Variants in MECOM observed in about 807,000 individuals in gnomAD.
MECOM encodes the protein MDS1 and EVI1 complex locus.
A neutral mutation model predicts 116.3 loss-of-function variants in MECOM; 13 were observed. That is an observed-to-expected ratio of 0.11 (90% CI 0.07 to 0.18). MECOM has a LOEUF of 0.18. Among genes scored for constraint, MECOM ranks in the 10% least tolerant of loss-of-function variants. The pLI is 1.00. For missense variants in MECOM, 1,299 were observed against 1,509.0 expected (o/e 0.86, Z 2.31); for synonymous variants, 528 against 535.2 (o/e 0.99, Z 0.19).
intron 1 of MECOM, among the ~76,000 whole-genome samples, chr3:169,562,123 G>T (rs1470964757): frequency 9.0e-6 from 1 of 110,648 alleles, no homozygotes; most frequent in Non-Finnish European, 1.8e-5. Flanking sequence ...TCCAGCCTGG[G>T]TGACAGAGCA....
At chr3:169,318,586 T>G (rs1232432888) in intron 2 of MECOM, among the ~76,000 whole-genome samples, 1 of 152,136 alleles carries the variant, frequency 6.6e-6, no homozygotes, top group East Asian at 1.9e-4. Context: ...TCATGCCAGT[T>G]AGAATGGCGA....
rs188427559 is a variant in MECOM at position 169,385,926 on chromosome 3, G to A, written c.38-4402C>T. ...TAAATAACACTTGTAACTTCTTGGAGCTGAGCTGTCTGCTACTGTAATTTG... is the reference window on the plus strand; with the variant it reads ...TAAATAACACTTGTAACTTCTTGGAACTGAGCTGTCTGCTACTGTAATTTG... On this transcript the variant is annotated intron_variant, in intron 1 of 16. Coordinates refer to ENST00000651503, the MANE Select transcript of MECOM (RefSeq NM_004991.4). Among the ~76,000 whole-genome samples, 54 of 152,294 alleles carry A rather than the reference G, an allele frequency of 3.5e-4. 1 individual carries two copies. The highest frequency in any genetic ancestry group is 1.2e-3 in the African/African-American group (50 of 41,570).
intron 2 of MECOM, among the ~76,000 whole-genome samples, chr3:169,174,730 A>G (rs190888290): frequency 2.1e-4 from 32 of 152,202 alleles, no homozygotes; most frequent in African/African-American, 7.2e-4. Context: ...ACTTGTTAGC[A>G]TAAGACGAGG....
At chr3:169,522,450 C>T (rs1340485123) in intron 1 of MECOM, among the ~76,000 whole-genome samples, 4 of 152,088 alleles carry the variant, frequency 2.6e-5, no homozygotes. Flanking sequence ...TAATAACAGA[C>T]TTAGCATCCT....
intron 1 of MECOM, among the ~76,000 whole-genome samples, chr3:169,642,372 T>C (rs1773598068): frequency 6.9e-6 from 1 of 145,064 alleles, no homozygotes; most frequent in African/African-American, 2.6e-5. Context: ...GATAAAACAT[T>C]AAGAAAACTA....
At chr3:169,659,485 C>G (rs1775990731) in intron 1 of MECOM, among the ~76,000 whole-genome samples, 1 of 90,606 alleles carries the variant, frequency 1.1e-5, no homozygotes. Context: ...CAAAACACAT[C>G]AAAATACTGC....
intron 1 of MECOM, among the ~76,000 whole-genome samples, chr3:169,411,865 C>G (rs1737609148): frequency 6.6e-6 from 1 of 152,074 alleles, no homozygotes; most frequent in South Asian, 2.1e-4. Context: ...GTAGTGCATG[C>G]CTGTGATCCC....
intron 2 of MECOM, among the ~76,000 whole-genome samples, chr3:169,330,663 G>GT (rs768941480): frequency 6.6e-6 from 1 of 151,726 alleles, no homozygotes; most frequent in African/African-American, 2.4e-5. Context: ...GTTTTCTTGT[G>GT]TTTTTTTATA....
At chr3:169,584,431 G>A (rs921720029) in intron 1 of MECOM, among the ~76,000 whole-genome samples, 13 of 151,688 alleles carry the variant, frequency 8.6e-5, no homozygotes, top group South Asian at 2.1e-4. Context: ...CGGGCGTGGT[G>A]GCGAGCGCCT....
intron 1 of MECOM, among the ~76,000 whole-genome samples, chr3:169,534,653 A>G (rs1354162169): frequency 6.6e-6 from 1 of 151,598 alleles, no homozygotes; most frequent in Non-Finnish European, 1.5e-5. Context: ...TTATTTACAT[A>G]ATGAGCAAAC....
At chr3:169,270,351 G>C (rs1436642359) in intron 2 of MECOM, among the ~76,000 whole-genome samples, 1 of 151,852 alleles carries the variant, frequency 6.6e-6, no homozygotes, top group East Asian at 1.9e-4. Flanking sequence ...TATTGAAGTA[G>C]GAATTTAAGG....
chr3:169,463,489 A>T (rs1329497107), intron 1 of MECOM, among the ~76,000 whole-genome samples: 1 of 152,186 alleles, frequency 6.6e-6, no homozygotes, highest in African/African-American at 2.4e-5. Context: ...CTCTACTTAA[A>T]GGATAAAATG....
intron 1 of MECOM, among the ~76,000 whole-genome samples, chr3:169,474,323 T>C (rs1473908395): frequency 2.6e-5 from 4 of 152,192 alleles, no homozygotes; most frequent in African/African-American, 9.6e-5. Context: ...TGCTCCATAC[T>C]AGAAAAAGCC....
At chr3:169,483,920 C>G in intron 1 of MECOM, 2 of 1,608,780 alleles carry the variant, frequency 1.2e-6, no homozygotes, top group Non-Finnish European at 1.7e-6. Context: ...TCACTTTGAT[C>G]CTTTCTTGCA....
chr3:169,538,183 G>T (rs1576774618), intron 1 of MECOM, among the ~76,000 whole-genome samples: 1 of 152,286 alleles, frequency 6.6e-6, no homozygotes, highest in East Asian at 1.9e-4. Context: ...CCATCACATA[G>T]CTGTAACTTG....
chr3:169,350,665 G>A (rs1393471655), intron 2 of MECOM, among the ~76,000 whole-genome samples: 3 of 151,864 alleles, frequency 2.0e-5, no homozygotes, highest in Admixed American at 2.0e-4. Context: ...CCTCTGGTTA[G>A]ATATATTATT....
intron 2 of MECOM, among the ~76,000 whole-genome samples, chr3:169,270,398 T>C (rs531723598): frequency 6.6e-6 from 1 of 152,180 alleles, no homozygotes; most frequent in South Asian, 2.1e-4. Flanking sequence ...TATCTATCTA[T>C]CTATATATAC....
intron 2 of MECOM, among the ~76,000 whole-genome samples, chr3:169,278,307 T>C (rs370802286): frequency 2.6e-5 from 4 of 152,330 alleles, no homozygotes; most frequent in Admixed American, 6.5e-5. Flanking sequence ...GCCAAAAATC[T>C]CTGGTGATTT....
At chr3:169,502,532 C>G (rs1453315386) in intron 1 of MECOM, among the ~76,000 whole-genome samples, 2 of 152,086 alleles carry the variant, frequency 1.3e-5, no homozygotes, top group Non-Finnish European at 2.9e-5. Flanking sequence ...CCTAAAAACA[C>G]CCTTTTACAC....
Sources: allele counts gnomAD v4.1 joint callset (sites outside exome capture counted in the v4.1 genomes callset), GRCh38; gene constraint gnomAD v4.1.1; transcripts MANE v1.5; gene names NCBI Gene and HGNC (gene_info 2026-07-23, HGNC 2026-07-21).